The following MAP2K3 variants were observed in gnomAD, a reference collection of about 807,000 sequenced individuals.
The protein encoded by MAP2K3 is dual specificity mitogen-activated protein kinase kinase 3.
Under a neutral mutation model 46.4 loss-of-function variants are expected in MAP2K3, and 30 were observed. That is an observed-to-expected ratio of 0.65 (90% confidence interval 0.48 to 0.88). MAP2K3 has a LOEUF of 0.88. Ranked by LOEUF, MAP2K3 falls within the 40% of genes least tolerant of loss-of-function variation. MAP2K3 has a pLI of 0.00. For missense variants in MAP2K3, 380 were observed against 464.5 expected (o/e 0.82, Z 1.67); for synonymous variants, 189 against 176.3 (o/e 1.07, Z -0.57).
chr17:21,295,518 G>A (rs1976189593), intron 1 of MAP2K3: 1 of 971,838 alleles, frequency 1.0e-6, no homozygotes, highest in Non-Finnish European at 1.2e-6. Flanking sequence ...GCAGCCCTGG[G>A]CTGCCTGGCC....
At chr17:21,298,018 T>A (rs11656923) in intron 1 of MAP2K3, among the ~76,000 whole-genome samples, 3 of 152,306 alleles carry the variant, frequency 2.0e-5, no homozygotes, top group African/African-American at 4.8e-5. Flanking sequence ...GAAGCCCCTG[T>A]ACAGTGGCTG....
At chr17:21,298,275 C>T (rs1489134915) in intron 1 of MAP2K3, 138 bp from the exon 2 acceptor site, 3 of 1,283,314 alleles carry the variant, frequency 2.3e-6, no homozygotes, top group Middle Eastern at 1.8e-4. Context: ...AACGGCCTGG[C>T]TTGGAGAGAG....
intron 5 of MAP2K3, 96 bp downstream of exon 5, chr17:21,301,089 T>A: frequency 6.3e-7 from 1 of 1,586,182 alleles, no homozygotes; most frequent in Non-Finnish European, 8.6e-7. Context: ...CGCCAGGTGC[T>A]GGGGACACCT....
chr17:21,293,498 G>C (rs1446349035), intron 1 of MAP2K3, among the ~76,000 whole-genome samples: 15 of 152,306 alleles, frequency 9.8e-5, no homozygotes, highest in Admixed American at 9.8e-4. Context: ...CTCCCCACCG[G>C]ATGTTAGGGG....
chr17:21,308,190 C>T (rs570881152), intron 9 of MAP2K3, among the ~76,000 whole-genome samples: 68 of 144,508 alleles, frequency 4.7e-4, no homozygotes, highest in South Asian at 1.1e-3. Context: ...CTCTGTCGAC[C>T]AGGCTAGAAT....
chr17:21,292,176 C>A (rs1472451722), intron 1 of MAP2K3, among the ~76,000 whole-genome samples: 3 of 152,304 alleles, frequency 2.0e-5, no homozygotes, highest in Admixed American at 6.5e-5. Context: ...GGGGGCTGTA[C>A]TGTGCTCAGT....
chr17:21,297,467 G>A (rs1222135497), intron 1 of MAP2K3, among the ~76,000 whole-genome samples: 1 of 152,302 alleles, frequency 6.6e-6, no homozygotes, highest in Non-Finnish European at 1.5e-5. Flanking sequence ...GGTGGTCTCC[G>A]GGAGCCGTGT....
At chr17:21,293,829 G>A (rs1287250798) in intron 1 of MAP2K3, among the ~76,000 whole-genome samples, 1 of 152,312 alleles carries the variant, frequency 6.6e-6, no homozygotes, top group Non-Finnish European at 1.5e-5. Flanking sequence ...CTGGCATGGA[G>A]CAGGCACTTG....
intron 10 of MAP2K3, among the ~76,000 whole-genome samples, chr17:21,313,096 C>T (rs568307464): frequency 1.3e-5 from 2 of 152,198 alleles, no homozygotes; most frequent in Non-Finnish European, 2.9e-5. Flanking sequence ...AGGAGCCCAG[C>T]AGAGTCCCTG....
chr17:21,297,286 G>C (rs1032925153), intron 1 of MAP2K3, among the ~76,000 whole-genome samples: 1 of 152,312 alleles, frequency 6.6e-6, no homozygotes, highest in Non-Finnish European at 1.5e-5. Context: ...CTTGGCAGGC[G>C]GCAGCAGGGC....
At chr17:21,291,402 A>T in intron 1 of MAP2K3, 2 of 451,486 alleles carry the variant, frequency 4.4e-6, no homozygotes, top group South Asian at 3.1e-5. Flanking sequence ...TGAAGCACAG[A>T]TGGCGTTTGT....
At chr17:21,295,280 G>T (rs1405184639) in intron 1 of MAP2K3, among the ~76,000 whole-genome samples, 3 of 152,310 alleles carry the variant, frequency 2.0e-5, no homozygotes, top group African/African-American at 7.2e-5. Flanking sequence ...TTCTAGTCTG[G>T]GGGTGCCTCT....
chr17:21,286,889 G>T (rs567434622), intron 1 of MAP2K3, among the ~76,000 whole-genome samples: 1 of 152,316 alleles, frequency 6.6e-6, no homozygotes, highest in East Asian at 1.9e-4. Flanking sequence ...TTTGGGGTCT[G>T]GGGAAGGATG....
At chr17:21,285,388 C>T (rs1351084836) in intron 1 of MAP2K3, 9 of 616,404 alleles carry the variant, frequency 1.5e-5, no homozygotes, top group Non-Finnish European at 1.8e-5. Context: ...TTTCTAGCTT[C>T]GGGTCCCAGG....
intron 1 of MAP2K3, chr17:21,288,124 C>T (rs561191238): frequency 2.6e-5 from 34 of 1,284,710 alleles, no homozygotes; most frequent in African/African-American, 1.5e-4. Flanking sequence ...CTGACTCACC[C>T]GCTGGGCATG....
intron 1 of MAP2K3, chr17:21,287,958 G>A (rs567835853): frequency 2.7e-5 from 32 of 1,166,662 alleles, no homozygotes; most frequent in Admixed American, 2.5e-4. Flanking sequence ...GTGGCACCTC[G>A]GGGACTTCCC....
At chr17:21,302,319 G>A (rs1196627364) in intron 6 of MAP2K3, 60 bp downstream of exon 6, 5 of 1,515,998 alleles carry the variant, frequency 3.3e-6, no homozygotes, top group Non-Finnish European at 4.6e-6. Flanking sequence ...GCCCAGCCCT[G>A]CCAGCAGGCA....
In MAP2K3 at chr17:21,300,403, C is replaced by T. The variant is rs991584835; in HGVS notation, c.166-142C>T. On this transcript the variant is annotated intron_variant, in intron 3 of 11. Coordinates refer to ENST00000342679, the MANE Select transcript of MAP2K3 (RefSeq NM_145109.3). Reference sequence around the variant, plus strand: ...GTTAAGTGACTTGCTGAGGGTCACACAGCAGGGAGCGGTGGATATGAGGTT... The same window carrying T: ...GTTAAGTGACTTGCTGAGGGTCACATAGCAGGGAGCGGTGGATATGAGGTT... 11 of 838,046 alleles carry T rather than the reference C, an allele frequency of 1.3e-5. No homozygotes were observed. In the African/African-American group the frequency reaches 1.5e-4, roughly 12 times the overall value. 51.9% of individuals were successfully genotyped at this position (838,046 alleles called of 1,614,324 possible).
chr17:21,287,952 C>T lies in MAP2K3; in HGVS notation c.49+2983C>T, dbSNP rs930255614. 5 of 1,097,038 alleles carry T rather than the reference C, an allele frequency of 4.6e-6. No individual in the cohort carries two copies. In the African/African-American group the frequency reaches 8.1e-5, roughly 18 times the overall value. 68.0% of individuals were successfully genotyped at this position (1,097,038 alleles called of 1,614,324 possible). The stretch of plus-strand genomic sequence containing the variant: ...TGGCTGTCGGAAAGACTGGAGGTGG[C>T]ACCTCGGGGACTTCCCCCACCCCTC... On this transcript the variant is annotated intron_variant, in intron 1 of 11. Transcript: ENST00000342679.
Sources: allele counts gnomAD v4.1 joint callset (sites outside exome capture counted in the v4.1 genomes callset), GRCh38; gene constraint gnomAD v4.1.1; transcripts MANE v1.5; gene names NCBI Gene and HGNC (gene_info 2026-07-23, HGNC 2026-07-21).